Variants in COG2 observed in about 807,000 individuals in gnomAD.
COG2 encodes component of oligomeric golgi complex 2.
A neutral mutation model predicts 90.6 loss-of-function variants in COG2; 52 were observed. The observed-to-expected ratio is 0.57, with a 90% CI of 0.46 to 0.72. The LOEUF (loss-of-function observed/expected upper bound fraction) is 0.72, where lower values mean the gene tolerates loss of function less well. COG2 is among the 30% of genes least tolerant of loss of function. The pLI, the probability that COG2 is intolerant of heterozygous loss-of-function variation, is 0.00. For synonymous variants in COG2, 337 were observed against 320.4 expected, an observed-to-expected ratio of 1.05 and a Z score of -0.55; for missense variants, 829 against 891.2, an observed-to-expected ratio of 0.93 and a Z score of 0.89.
At chr1:230,662,693 T>C (rs930031832) in intron 3 of COG2, among the ~76,000 whole-genome samples, 9 of 152,242 alleles carry the variant, frequency 5.9e-5, no homozygotes, top group African/African-American at 2.2e-4. Flanking sequence ...TCCAAATTGA[T>C]GCCTGCAGTA....
intron 9 of COG2, chr1:230,678,087 C>G (rs1662642760): frequency 1.0e-6 from 1 of 985,132 alleles, no homozygotes; most frequent in African/African-American, 1.7e-5. Context: ...GTTTGATGAC[C>G]CTGGATTGAG....
intron 5 of COG2, 43 bp downstream of exon 5, chr1:230,664,630 A>T: frequency 1.0e-6 from 1 of 1,004,902 alleles, no homozygotes; most frequent in South Asian, 1.6e-5. Context: ...AATACTTCAC[A>T]TCCAGAGTAA....
At chr1:230,671,395 A>G in intron 7 of COG2, 121 bp from the exon 8 acceptor site, 1 of 766,358 alleles carries the variant, frequency 1.3e-6, no homozygotes, top group Non-Finnish European at 2.1e-6. Flanking sequence ...AATGTGTCAC[A>G]GGGAGGAGGG....
At position 230,668,714 on chromosome 1, in the gene COG2, C is replaced by T; in HGVS notation, c.524C>T (p.Thr175Ile). 6.2e-7 allele frequency: 1 copy of T among 1,612,744 alleles called. No homozygotes were observed. Among genetic ancestry groups the T allele is most frequent in the Non-Finnish European group, 8.5e-7 (1 of 1,179,314 alleles). ...GGACAAATTTTGGAGAGAATTGCCA[C>T]AGAATTTAATCAGTTACAGTTTCAT... is the stretch of plus-strand genomic sequence containing the variant. The part of the protein sequence containing the change: ...LTGQILERIA[T>I]EFNQLQFHAV... The change falls in exon 6 of 18, where the codon ACA becomes ATA. Residue 175 changes from threonine (T) to isoleucine (I), a missense_variant. Physicochemically the swap from Thr to Ile is moderately conservative, Grantham distance 89. Coordinates refer to ENST00000366669, the MANE Select transcript of COG2 (RefSeq NM_007357.3).
chr1:230,656,787 A>T (rs1051813630), intron 1 of COG2, among the ~76,000 whole-genome samples: 26 of 152,090 alleles, frequency 1.7e-4, no homozygotes, highest in African/African-American at 6.0e-4. Context: ...TATATTTAGG[A>T]TAATTAGCTC....
rs141405520 is a variant in COG2, at chr1:230,668,124, AG to A, written c.486-550del. Among the ~76,000 whole-genome samples, 1,287 of 152,214 alleles carry A rather than the reference AG, an allele frequency of 8.5e-3. 12 individuals are homozygous for A. The highest frequency in any genetic ancestry group is 0.027 in the African/African-American group (1,128 of 41,534). On this transcript the variant is annotated intron_variant, in intron 5 of 17. Transcript: ENST00000366669. The stretch of plus-strand genomic sequence containing the variant: ...GCTGGAGAGTCAGTTTCATTCATTG[AG>A]GAGACAAATATATTTGGTATTTTAG...
At chr1:230,663,274 G>A (rs376797614) in intron 4 of COG2, 53 bp downstream of exon 4, 2 of 1,418,986 alleles carry the variant, frequency 1.4e-6, no homozygotes, top group Admixed American at 1.8e-5. Flanking sequence ...GCACCTTGTA[G>A]TAACAAGCAC....
At chr1:230,667,041 C>T (rs1662337572) in intron 5 of COG2, among the ~76,000 whole-genome samples, 1 of 152,212 alleles carries the variant, frequency 6.6e-6, no homozygotes, top group South Asian at 2.1e-4. Context: ...GATTTAGATG[C>T]TCCATCTCCA....
intron 16 of COG2, among the ~76,000 whole-genome samples, 195 bp from the exon 17 acceptor site, chr1:230,691,189 G>T (rs552825750): frequency 6.6e-6 from 1 of 151,550 alleles, no homozygotes; most frequent in Admixed American, 6.6e-5. Context: ...ATATATATAC[G>T]TATATACATG....
chr1:230,674,358 TG>T (rs1662534547), intron 8 of COG2, among the ~76,000 whole-genome samples: 1 of 152,244 alleles, frequency 6.6e-6, no homozygotes, highest in African/African-American at 2.4e-5. Flanking sequence ...GCATGCTTTC[TG>T]TCAGTGCTGC....
chr1:230,682,203 C>G (rs1347713803), intron 10 of COG2: 1 of 152,184 alleles, frequency 6.6e-6, no homozygotes, highest in Non-Finnish European at 1.5e-5. Flanking sequence ...GCTATCAGGC[C>G]TTTTCTGTAT....
At chr1:230,659,402 A>C in intron 1 of COG2, 62 bp from the exon 2 acceptor site, 7 of 1,317,642 alleles carry the variant, frequency 5.3e-6, no homozygotes, top group Non-Finnish European at 7.6e-6. Flanking sequence ...CTTCCATTTC[A>C]TTTGTATATG....
intron 7 of COG2, chr1:230,670,040 G>A (rs16852189): frequency 0.062 from 9,446 of 152,564 alleles, 614 homozygotes; most frequent in African/African-American, 0.17. Context: ...ATACAGAGGA[G>A]TTTGCTGGAC....
intron 1 of COG2, among the ~76,000 whole-genome samples, chr1:230,646,947 C>A (rs968714916): frequency 6.6e-6 from 1 of 152,124 alleles, no homozygotes; most frequent in African/African-American, 2.4e-5. Flanking sequence ...CTTTCTGACT[C>A]ATCATTATCT....
At chr1:230,686,798 T>C in intron 12 of COG2, 137 bp from the exon 13 acceptor site, 1 of 470,082 alleles carries the variant, frequency 2.1e-6, no homozygotes. Flanking sequence ...TGTATACTTT[T>C]ATTAGTAAGT....
intron 14 of COG2, 48 bp from the exon 15 acceptor site, chr1:230,688,372 T>C (rs751274352): frequency 6.2e-7 from 1 of 1,605,456 alleles, no homozygotes; most frequent in Non-Finnish European, 8.5e-7. Flanking sequence ...ATGAAGTTCA[T>C]GTCTGGGCCT....
chr1:230,669,321 G>C, intron 6 of COG2, 35 bp from the exon 7 acceptor site: 3 of 1,581,344 alleles, frequency 1.9e-6, no homozygotes, highest in Non-Finnish European at 2.6e-6. Context: ...GTTACAACTA[G>C]AGCTTTTTTT....
rs371725274 is a variant in COG2, at chr1:230,659,811, TAA to T, written c.234+187_234+188del. On this transcript the variant is annotated intron_variant, in intron 2 of 17. Transcript: ENST00000366669. ...TGATATACAATTTTGCTTTTTTACTTAAGACTATTCTAAATTAAATATTTTTT... is the reference window on the plus strand; with the variant it reads ...TGATATACAATTTTGCTTTTTTACTTGACTATTCTAAATTAAATATTTTTT... Among the ~76,000 whole-genome samples, 319 of 152,338 alleles carry T rather than the reference TAA, an allele frequency of 2.1e-3. 2 individuals are homozygous for T. The highest frequency in any genetic ancestry group is 7.5e-3 in the African/African-American group (311 of 41,566).
chr1:230,670,185 T>A (rs1387143241), intron 7 of COG2: 1 of 152,216 alleles, frequency 6.6e-6, no homozygotes, highest in Non-Finnish European at 1.5e-5. Flanking sequence ...AGGAAACAAG[T>A]ATATCCCACT....
Sources: gnomAD v4.1 joint callset for allele counts (sites outside exome capture counted in the v4.1 genomes callset) on GRCh38, gnomAD v4.1.1 for gene constraint, MANE v1.5 for transcripts, NCBI Gene and HGNC (gene_info 2026-07-23, HGNC 2026-07-21) for gene names.